The following GRM7 variants were observed in gnomAD, a reference collection of about 807,000 sequenced individuals.
The protein encoded by GRM7 is metabotropic glutamate receptor 7.
In GRM7, 35 loss-of-function variants were observed where a neutral mutation model predicts 84.5. The observed-to-expected ratio is 0.41, with a 90% CI of 0.32 to 0.55. The LOEUF is 0.55. Among genes scored for constraint, GRM7 ranks in the 20% least tolerant of loss-of-function variants. The pLI is 0.19. For synonymous variants in GRM7, 487 were observed against 455.1 expected, an observed-to-expected ratio of 1.07 and a Z score of -0.89; for missense variants, 1,003 against 1,194.6, an observed-to-expected ratio of 0.84 and a Z score of 2.36.
At chr3:7,442,677 T>A (rs1280230271) in intron 5 of GRM7, among the ~76,000 whole-genome samples, 1 of 152,090 alleles carries the variant, frequency 6.6e-6, no homozygotes, top group African/African-American at 2.4e-5. Flanking sequence ...GGGACTAAAG[T>A]CCCTTGGGAG....
intron 4 of GRM7, among the ~76,000 whole-genome samples, chr3:7,350,675 G>T (rs1340365466): frequency 6.6e-6 from 1 of 152,062 alleles, no homozygotes; most frequent in African/African-American, 2.4e-5. Context: ...TACCACCAAG[G>T]ATAATCCATA....
At chr3:7,409,508 A>C (rs913761265) in intron 4 of GRM7, among the ~76,000 whole-genome samples, 10 of 152,106 alleles carry the variant, frequency 6.6e-5, no homozygotes, top group African/African-American at 1.7e-4. Context: ...GTTTGTGTAT[A>C]TAAAGATGGA....
chr3:7,621,165 G>C (rs1697336512), intron 8 of GRM7, among the ~76,000 whole-genome samples: 1 of 152,082 alleles, frequency 6.6e-6, no homozygotes, highest in African/African-American at 2.4e-5. Flanking sequence ...GCAAACATCA[G>C]TGAAATGGCA....
At chr3:7,614,071 C>T (rs1575556738) in intron 8 of GRM7, among the ~76,000 whole-genome samples, 1 of 152,042 alleles carries the variant, frequency 6.6e-6, no homozygotes, top group East Asian at 1.9e-4. Flanking sequence ...GGAGACTAGC[C>T]TGGCCAACAT....
chr3:7,615,553 G>A (rs773845566), intron 8 of GRM7, among the ~76,000 whole-genome samples: 1 of 152,120 alleles, frequency 6.6e-6, no homozygotes, highest in African/African-American at 2.4e-5. Flanking sequence ...TGAGGTAGTG[G>A]ATAATATTTT....
At chr3:7,661,732 G>C (rs1456372049) in intron 8 of GRM7, among the ~76,000 whole-genome samples, 1 of 139,552 alleles carries the variant, frequency 7.2e-6, no homozygotes, top group Non-Finnish European at 1.5e-5. Flanking sequence ...AGGCAGAGCT[G>C]GCAGTGAGCC....
chr3:6,956,069 G>T (rs1414846998), intron 1 of GRM7, among the ~76,000 whole-genome samples: 1 of 152,114 alleles, frequency 6.6e-6, no homozygotes, highest in Non-Finnish European at 1.5e-5. Context: ...TTGGGTTATT[G>T]AGTGCCTTGC....
chr3:7,288,703 C>G (rs1360374382), intron 2 of GRM7, among the ~76,000 whole-genome samples: 1 of 152,102 alleles, frequency 6.6e-6, no homozygotes, highest in Non-Finnish European at 1.5e-5. Context: ...AAGAATGACA[C>G]AAGTACTTAT....
chr3:7,517,510 C>T (rs1031871855), intron 7 of GRM7, among the ~76,000 whole-genome samples: 6 of 151,936 alleles, frequency 3.9e-5, no homozygotes, highest in African/African-American at 9.7e-5. Flanking sequence ...CCCATGCCTC[C>T]GCCTCTCGAG....
At chr3:7,675,035 A>T (rs1449670878) in intron 8 of GRM7, among the ~76,000 whole-genome samples, 3 of 152,246 alleles carry the variant, frequency 2.0e-5, no homozygotes, top group African/African-American at 4.8e-5. Flanking sequence ...AAATAGCCGC[A>T]TAACACTTTT....
chr3:7,451,003 T>G (rs1285390042), intron 5 of GRM7, among the ~76,000 whole-genome samples: 1 of 152,174 alleles, frequency 6.6e-6, no homozygotes, highest in Non-Finnish European at 1.5e-5. Flanking sequence ...GAACCCTTTG[T>G]GTGTTTTGCA....
At chr3:7,020,150 A>G (rs1695724567) in intron 1 of GRM7, among the ~76,000 whole-genome samples, 1 of 152,202 alleles carries the variant, frequency 6.6e-6, no homozygotes, top group Admixed American at 6.5e-5. Flanking sequence ...CCCTGCCAAG[A>G]TAGATTTTTC....
In GRM7 at chr3:7,439,508, C is replaced by T. The variant is rs138128811; in HGVS notation, c.1175-13099C>T. Among the ~76,000 whole-genome samples the T allele has an allele frequency of 4.0e-4, 61 of 152,252 alleles. 1 individual carries two copies. In the East Asian group the frequency reaches 8.7e-3, roughly 22 times the overall value. The stretch of plus-strand genomic sequence containing the variant: ...CCCTGCCCATGCTGCTTCTGTCTTC[C>T]GCCAACACCCAAAACTGTGGCAGGC... On this transcript the variant is annotated intron_variant, in intron 5 of 9. Coordinates refer to ENST00000357716, the MANE Select transcript of GRM7 (RefSeq NM_000844.4).
intron 4 of GRM7, among the ~76,000 whole-genome samples, chr3:7,359,871 A>G (rs1368225984): frequency 1.3e-5 from 2 of 148,300 alleles, no homozygotes; most frequent in African/African-American, 5.1e-5. Flanking sequence ...CGGTCATTTC[A>G]TTTTAGGAAT....
rs183232483 is a variant in GRM7 at position 7,559,539 on chromosome 3, G to T, written c.1516-18883G>T. Among the ~76,000 whole-genome samples the T allele has an allele frequency of 5.6e-3, 851 of 152,130 alleles. 8 individuals carry two copies. Among genetic ancestry groups the T allele is most frequent in the African/African-American group, 0.019 (787 of 41,510 alleles). On this transcript the variant is annotated intron_variant, in intron 7 of 9. Transcript: ENST00000357716. Reference sequence around the variant, plus strand: ...CAATAAAATGATAACCCTTCTGAGAGAATCTTGGTATGGATGTGTTTCAAA... The same window carrying T: ...CAATAAAATGATAACCCTTCTGAGATAATCTTGGTATGGATGTGTTTCAAA...
chr3:7,215,393 G>A (rs377021464), intron 2 of GRM7, among the ~76,000 whole-genome samples: 1 of 152,082 alleles, frequency 6.6e-6, no homozygotes, highest in South Asian at 2.1e-4. Flanking sequence ...GGCTGGGCAC[G>A]GTGGATCACG....
At chr3:7,427,120 C>A (rs1000758275) in intron 5 of GRM7, among the ~76,000 whole-genome samples, 1 of 152,106 alleles carries the variant, frequency 6.6e-6, no homozygotes, top group Non-Finnish European at 1.5e-5. Flanking sequence ...TTCCACAAGA[C>A]ACAAAAGGAA....
intron 1 of GRM7, among the ~76,000 whole-genome samples, chr3:6,890,198 A>C (rs374284934): frequency 6.6e-6 from 1 of 152,028 alleles, no homozygotes; most frequent in African/African-American, 2.4e-5. Context: ...AGATTCATTA[A>C]TTTTTTGAAG....
intron 1 of GRM7, among the ~76,000 whole-genome samples, chr3:7,100,248 G>A (rs532572707): frequency 1.3e-5 from 2 of 151,578 alleles, no homozygotes; most frequent in South Asian, 4.2e-4. Flanking sequence ...TGAAATGTAG[G>A]CTTTATGAAA....
Sources: allele counts gnomAD v4.1 joint callset (sites outside exome capture counted in the v4.1 genomes callset), GRCh38; gene constraint gnomAD v4.1.1; transcripts MANE v1.5; gene names NCBI Gene and HGNC (gene_info 2026-07-23, HGNC 2026-07-21).